GRM7: variants seen among roughly 807,000 people sequenced by gnomAD.
The protein encoded by GRM7 is metabotropic glutamate receptor 7.
GRM7 carries 35 observed loss-of-function variants against 84.5 expected under a neutral mutation model. The ratio of observed to expected loss-of-function variants is 0.41; its 90% CI spans 0.32 to 0.55. The LOEUF is 0.55. Ranked by LOEUF, GRM7 falls within the 20% of genes least tolerant of loss-of-function variation. GRM7 has a pLI of 0.19. For missense variants in GRM7, 1,003 were observed against 1,194.6 expected (o/e 0.84, Z 2.36); for synonymous variants, 487 against 455.1 (o/e 1.07, Z -0.89).
At chr3:7,453,354 ACT>A (rs930024851) in intron 6 of GRM7, among the ~76,000 whole-genome samples, 3 of 151,188 alleles carry the variant, frequency 2.0e-5, no homozygotes, top group Non-Finnish European at 4.4e-5. Context: ...AGTTCCCAAG[ACT>A]CTTCCCCTTG....
At chr3:7,330,764 C>T (rs189569312) in intron 4 of GRM7, among the ~76,000 whole-genome samples, 68 of 152,302 alleles carry the variant, frequency 4.5e-4, no homozygotes, top group Admixed American at 2.2e-3. Flanking sequence ...TATAAATTAC[C>T]CAGTCTTGGG....
At chr3:7,425,594 G>A (rs374832124) in intron 5 of GRM7, among the ~76,000 whole-genome samples, 3 of 152,148 alleles carry the variant, frequency 2.0e-5, no homozygotes, top group Admixed American at 6.6e-5. Context: ...AGTAGCAGTT[G>A]TAAATTGAGC....
chr3:7,473,145 A>G lies in GRM7; in HGVS notation c.1515+11423A>G, dbSNP rs540543271. On this transcript the variant is annotated intron_variant, in intron 7 of 9. Coordinates refer to ENST00000357716, the MANE Select transcript of GRM7 (RefSeq NM_000844.4). ...TACCAAATTTTCCTATTGATAAAACAAAGTCACATTGATTGCTTACTGCAG... is the reference window on the plus strand; with the variant it reads ...TACCAAATTTTCCTATTGATAAAACGAAGTCACATTGATTGCTTACTGCAG... Among the ~76,000 whole-genome samples the G allele has an allele frequency of 2.6e-5, 4 of 152,220 alleles. No individual in the cohort carries two copies. The South Asian group carries it at 6.2e-4, about 24-fold the overall frequency.
intron 1 of GRM7, among the ~76,000 whole-genome samples, chr3:6,909,266 C>A (rs1282162018): frequency 3.3e-5 from 5 of 152,102 alleles, no homozygotes; most frequent in Non-Finnish European, 5.9e-5. Flanking sequence ...ACTACTAAGC[C>A]TGCCCTTTGA....
chr3:7,045,674 T>A (rs973475985), intron 1 of GRM7, among the ~76,000 whole-genome samples: 3 of 152,176 alleles, frequency 2.0e-5, no homozygotes, highest in African/African-American at 7.2e-5. Context: ...TCACTTAACA[T>A]AATGACTCTA....
chr3:7,740,629 G>A lies in GRM7; in HGVS notation c.*223G>A. 2.5e-6 allele frequency: 1 copy of A among 398,170 alleles called. No homozygotes were observed. The highest frequency in any genetic ancestry group is 4.4e-6 in the Non-Finnish European group (1 of 225,604). The allele number at this position is 398,170 out of a possible 1,614,324, so 24.7% of individuals were successfully genotyped here. A position where few individuals can be genotyped will look rare whatever the true frequency, so the allele number is the denominator to read the frequency against. On this transcript the variant is annotated 3_prime_UTR_variant, in exon 10 of 10. Coordinates refer to ENST00000357716, the MANE Select transcript of GRM7 (RefSeq NM_000844.4). Reference sequence around the variant, plus strand: ...CACTGACATCAGCACTGCCAACTCGGCTGCAATTGTGGACCTTCCCTACCA... The same window carrying A: ...CACTGACATCAGCACTGCCAACTCGACTGCAATTGTGGACCTTCCCTACCA...
intron 1 of GRM7, among the ~76,000 whole-genome samples, chr3:6,986,122 G>A (rs761526823): frequency 1.3e-5 from 2 of 152,124 alleles, no homozygotes; most frequent in Non-Finnish European, 1.5e-5. Context: ...GTACAATATA[G>A]TAGCTATTCT....
chr3:7,217,727 A>G (rs1287088743), intron 2 of GRM7, among the ~76,000 whole-genome samples: 2 of 149,402 alleles, frequency 1.3e-5, no homozygotes, highest in African/African-American at 4.9e-5. Context: ...TACTAATTAT[A>G]ATATAAAATT....
rs150999391 is a variant in GRM7 at position 7,420,583 on chromosome 3, T to C, written c.1174+5420T>C. On this transcript the variant is annotated intron_variant, in intron 5 of 9. Transcript: ENST00000357716. Reference sequence around the variant, plus strand: ...GATTATGTGTTAATGTGGTTCTTTGTTAAATTTTTGGTTCTCTGACTCATC... The same window carrying C: ...GATTATGTGTTAATGTGGTTCTTTGCTAAATTTTTGGTTCTCTGACTCATC... Among the ~76,000 whole-genome samples the C allele has an allele frequency of 3.5e-3, 532 of 152,288 alleles. 2 individuals carry two copies. Among genetic ancestry groups the C allele is most frequent in the South Asian group, 7.7e-3 (37 of 4,822 alleles).
At chr3:7,721,710 A>T (rs928683500) in intron 9 of GRM7, among the ~76,000 whole-genome samples, 7 of 152,240 alleles carry the variant, frequency 4.6e-5, no homozygotes, top group Non-Finnish European at 8.8e-5. Context: ...ACATCACTAC[A>T]ATGAGGTTCT....
intron 8 of GRM7, among the ~76,000 whole-genome samples, chr3:7,603,053 C>T (rs1273202169): frequency 1.3e-5 from 2 of 152,082 alleles, no homozygotes; most frequent in Admixed American, 6.6e-5. Context: ...TGATTTCCTA[C>T]AAATATGTAA....
chr3:7,664,036 C>T (rs1169271221), intron 8 of GRM7, among the ~76,000 whole-genome samples: 1 of 152,156 alleles, frequency 6.6e-6, no homozygotes, highest in African/African-American at 2.4e-5. Flanking sequence ...TACAGGGTTA[C>T]AGTGGAAGAA....
At chr3:6,962,273 A>AT in intron 1 of GRM7, among the ~76,000 whole-genome samples, 1 of 152,312 alleles carries the variant, frequency 6.6e-6, no homozygotes, top group Non-Finnish European at 1.5e-5. Context: ...CAGCTGAATA[A>AT]TTTTTTGTCG....
intron 4 of GRM7, among the ~76,000 whole-genome samples, chr3:7,312,650 G>A (rs1040404114): frequency 6.6e-6 from 1 of 152,084 alleles, no homozygotes; most frequent in Non-Finnish European, 1.5e-5. Context: ...AATGCCAAAT[G>A]CTGACTTACC....
chr3:7,417,226 A>C (rs1260489853), intron 5 of GRM7, among the ~76,000 whole-genome samples: 2 of 152,086 alleles, frequency 1.3e-5, no homozygotes, highest in African/African-American at 4.8e-5. Context: ...AAGTGTACCC[A>C]AAATATTCGT....
At chr3:7,031,416 T>G (rs1467801642) in intron 1 of GRM7, among the ~76,000 whole-genome samples, 1 of 151,442 alleles carries the variant, frequency 6.6e-6, no homozygotes, top group Non-Finnish European at 1.5e-5. Context: ...TTTTATTTAT[T>G]TATTTATTTA....
At chr3:7,187,435 T>A (rs1039346334) in intron 2 of GRM7, among the ~76,000 whole-genome samples, 1 of 152,200 alleles carries the variant, frequency 6.6e-6, no homozygotes, top group African/African-American at 2.4e-5. Context: ...AGTTGTGATG[T>A]AGGACAGGTG....
intron 9 of GRM7, among the ~76,000 whole-genome samples, chr3:7,714,038 C>T (rs1157994711): frequency 1.3e-5 from 2 of 152,046 alleles, no homozygotes; most frequent in African/African-American, 4.8e-5. Flanking sequence ...CTCAGCTAAG[C>T]ATGCATTTCT....
At chr3:7,044,675 G>A (rs1169851483) in intron 1 of GRM7, among the ~76,000 whole-genome samples, 1 of 151,920 alleles carries the variant, frequency 6.6e-6, no homozygotes, top group African/African-American at 2.4e-5. Context: ...TCTTTTCTAC[G>A]GCTTTTTTTC....
Sources: gnomAD v4.1 joint callset for allele counts (sites outside exome capture counted in the v4.1 genomes callset) on GRCh38, gnomAD v4.1.1 for gene constraint, MANE v1.5 for transcripts, NCBI Gene and HGNC (gene_info 2026-07-23, HGNC 2026-07-21) for gene names.